Variants in FCHSD2 observed in about 807,000 individuals in gnomAD.
The protein encoded by FCHSD2 is F-BAR and double SH3 domains protein 2.
FCHSD2 carries 38 observed loss-of-function variants against 108.1 expected under a neutral mutation model. The ratio of observed to expected loss-of-function variants is 0.35; its 90% confidence interval spans 0.27 to 0.46. The LOEUF (loss-of-function observed/expected upper bound fraction) is 0.46, where lower values mean the gene tolerates loss of function less well. FCHSD2 is among the 20% of genes least tolerant of loss of function. The pLI, the probability that FCHSD2 is intolerant of heterozygous loss-of-function variation, is 1.00. For missense variants in FCHSD2, 751 were observed against 897.8 expected, an observed-to-expected ratio of 0.84 and a Z score of 2.09; for synonymous variants, 279 against 314.7, an observed-to-expected ratio of 0.89 and a Z score of 1.20.
At chr11:72,980,677 A>ATATATATATATATATAATGTGTGTGTG (rs1857196523) in intron 8 of FCHSD2, among the ~76,000 whole-genome samples, 1 of 29,876 alleles carries the variant, frequency 3.3e-5, no homozygotes, top group African/African-American at 1.2e-4. Context: ...GTGTGTGTGT[A>ATATATATATATATATAATGTGTGTGTG]TATATATATA....
intron 4 of FCHSD2, 70 bp from the exon 5 acceptor site, chr11:73,001,204 C>T (rs1857619347): frequency 1.6e-6 from 2 of 1,262,614 alleles, no homozygotes; most frequent in Admixed American, 4.1e-5. Context: ...ACCTTTTGCT[C>T]ACAGGGCAGC....
At chr11:73,046,884 C>T (rs1858781763) in intron 3 of FCHSD2, among the ~76,000 whole-genome samples, 1 of 152,082 alleles carries the variant, frequency 6.6e-6, no homozygotes, top group Non-Finnish European at 1.5e-5. Context: ...TGCCCAGTCA[C>T]AGTATTGCTT....
At chr11:72,877,916 G>A (rs1370262754) in intron 12 of FCHSD2, among the ~76,000 whole-genome samples, 1 of 152,114 alleles carries the variant, frequency 6.6e-6, no homozygotes, top group African/African-American at 2.4e-5. Flanking sequence ...GGAGGTGGGA[G>A]GATTGCTTAA....
chr11:72,904,892 G>C (rs944089642), intron 9 of FCHSD2, among the ~76,000 whole-genome samples: 1 of 152,152 alleles, frequency 6.6e-6, no homozygotes, highest in Non-Finnish European at 1.5e-5. Flanking sequence ...TGACAAACAT[G>C]TAATTTTTAT....
At chr11:73,091,770 T>C (rs1430116251) in intron 2 of FCHSD2, among the ~76,000 whole-genome samples, 1 of 152,132 alleles carries the variant, frequency 6.6e-6, no homozygotes, top group Non-Finnish European at 1.5e-5. Context: ...CTGGGCGTGG[T>C]GGCTCATGCC....
intron 2 of FCHSD2, among the ~76,000 whole-genome samples, chr11:73,119,392 ATATACTT>A (rs1195679537): frequency 1.3e-5 from 2 of 152,116 alleles, no homozygotes; most frequent in African/African-American, 4.8e-5. Flanking sequence ...ATTCAAATCT[ATATACTT>A]TAAAATTTTT....
intron 2 of FCHSD2, among the ~76,000 whole-genome samples, chr11:73,095,678 A>G (rs543439310): frequency 6.6e-6 from 1 of 152,338 alleles, no homozygotes; most frequent in South Asian, 2.1e-4. Flanking sequence ...ATACTTCCTG[A>G]GGTAGTAAAC....
intron 2 of FCHSD2, among the ~76,000 whole-genome samples, chr11:73,113,800 G>T (rs995294953): frequency 6.6e-6 from 1 of 152,108 alleles, no homozygotes; most frequent in African/African-American, 2.4e-5. Flanking sequence ...CTGCATTAGG[G>T]GGCACCCCAA....
chr11:73,141,857 C>T lies in FCHSD2; in HGVS notation c.21G>A (p.Lys7=). MQPPPR[K]VKVTQELKNI... ...CAAAGCCCCCCAGCTGCGCCCTTAC[C>T]TTCCTCGGCGGCGGCTGCATGATGC... Residue 7 remains lysine (K), a splice_region_variant and synonymous_variant, in exon 1 of 20, where the codon AAG becomes AAA. Transcript: ENST00000409418. 6.5e-7 allele frequency: 1 copy of T among 1,545,484 alleles called. No homozygotes were observed. The highest frequency in any genetic ancestry group is 8.7e-7 in the Non-Finnish European group (1 of 1,146,128).
At chr11:72,905,333 T>A (rs1019418123) in intron 9 of FCHSD2, among the ~76,000 whole-genome samples, 2 of 152,218 alleles carry the variant, frequency 1.3e-5, no homozygotes, top group Non-Finnish European at 2.9e-5. Flanking sequence ...GTACATAAGA[T>A]ATTTTGATAC....
At chr11:72,855,844 A>C (rs1031486844) in intron 13 of FCHSD2, among the ~76,000 whole-genome samples, 1 of 152,214 alleles carries the variant, frequency 6.6e-6, no homozygotes, top group African/African-American at 2.4e-5. Flanking sequence ...AAGAATAAAG[A>C]CTGGAGAATA....
chr11:72,976,988 T>C (rs941078563), intron 8 of FCHSD2, among the ~76,000 whole-genome samples: 1 of 151,830 alleles, frequency 6.6e-6, no homozygotes, highest in Non-Finnish European at 1.5e-5. Flanking sequence ...TGCAGTGGCA[T>C]GATCTCGGCA....
intron 3 of FCHSD2, among the ~76,000 whole-genome samples, chr11:73,081,405 G>A (rs2135511857): frequency 6.6e-6 from 1 of 152,160 alleles, no homozygotes; most frequent in South Asian, 2.1e-4. Flanking sequence ...CTGGACTCCA[G>A]CCTGGGTGAC....
rs2366252 is a variant in FCHSD2, at chr11:73,034,956, G to C, written c.166-19071C>G. Among the ~76,000 whole-genome samples the C allele has an allele frequency of 5.1e-3, 781 of 152,202 alleles. 6 individuals are homozygous for C. The highest frequency in any genetic ancestry group is 0.018 in the African/African-American group (759 of 41,526). ...TCCACAGGCAGCTAAAGTACTATAG[G>C]ATAAATGTCACCTGCTGAGTCAGAC... is the stretch of plus-strand genomic sequence containing the variant. On this transcript the variant is annotated intron_variant, in intron 3 of 19. Transcript: ENST00000409418.
intron 6 of FCHSD2, among the ~76,000 whole-genome samples, chr11:72,988,523 G>A (rs1429903531): frequency 6.6e-6 from 1 of 152,132 alleles, no homozygotes; most frequent in African/African-American, 2.4e-5. Context: ...CTACATGGAG[G>A]TCAGTGCTTT....
At chr11:72,988,333 G>C (rs942640004) in intron 6 of FCHSD2, among the ~76,000 whole-genome samples, 1 of 151,970 alleles carries the variant, frequency 6.6e-6, no homozygotes, top group Non-Finnish European at 1.5e-5. Context: ...TATATTGCTT[G>C]CTTTATATCA....
At chr11:73,030,936 G>A (rs141746971) in intron 3 of FCHSD2, among the ~76,000 whole-genome samples, 189 of 151,908 alleles carry the variant, frequency 1.2e-3, no homozygotes, top group African/African-American at 4.3e-3. Context: ...CTGAATTTCT[G>A]CTATTTTTTA....
intron 8 of FCHSD2, among the ~76,000 whole-genome samples, chr11:72,969,690 A>G (rs1243592587): frequency 6.6e-6 from 1 of 152,268 alleles, no homozygotes; most frequent in Non-Finnish European, 1.5e-5. Flanking sequence ...ATTTAATAAG[A>G]AAACAAATAA....
At chr11:72,923,354 T>C (rs1232379806) in intron 8 of FCHSD2, among the ~76,000 whole-genome samples, 2 of 152,364 alleles carry the variant, frequency 1.3e-5, no homozygotes, top group East Asian at 3.9e-4. Flanking sequence ...TAACTCTATG[T>C]TTAATTTTGA....
Sources: gnomAD v4.1 joint callset for allele counts (sites outside exome capture counted in the v4.1 genomes callset) on GRCh38, gnomAD v4.1.1 for gene constraint, MANE v1.5 for transcripts, NCBI Gene and HGNC (gene_info 2026-07-23, HGNC 2026-07-21) for gene names.